MED30: variants seen among roughly 807,000 people sequenced by gnomAD.
MED30 encodes the protein mediator complex subunit 30.
MED30 carries 8 observed loss-of-function variants against 21.7 expected under a neutral mutation model. The ratio of observed to expected loss-of-function variants is 0.37; its 90% CI spans 0.22 to 0.67. MED30 has a LOEUF of 0.67. Ranked by LOEUF, MED30 falls within the 30% of genes least tolerant of loss-of-function variation. The pLI is 0.58. For missense variants in MED30, 203 were observed against 228.2 expected (o/e 0.89, Z 0.71); for synonymous variants, 79 against 86.7 (o/e 0.91, Z 0.49).
chr8:117,520,944 A>T lies in MED30; in HGVS notation c.68A>T (p.Gln23Leu). The change falls in exon 1 of 4, where the codon CAG (glutamine) becomes CTG (leucine). Residue 23 changes from glutamine (Q) to leucine (L), a missense_variant. Coordinates refer to ENST00000297347, the MANE Select transcript of MED30 (RefSeq NM_080651.4). The part of the protein sequence containing the change: ...PGPFAGPQAQ[Q>L]AAREVNTASL... ...CCCTTCGCCGGGCCCCAGGCTCAGC[A>T]GGCCGCCCGGGAAGTCAACACGGCG... 2 of 1,612,274 alleles carry T rather than the reference A, an allele frequency of 1.2e-6. No individual in the cohort carries two copies. Among genetic ancestry groups the T allele is most frequent in the East Asian group, 4.5e-5 (2 of 44,824 alleles).
At position 117,530,719 on chromosome 8, in the gene MED30, C is replaced by T. The variant is rs906651606; in HGVS notation, c.337-4C>T. 1.9e-6 allele frequency: 3 copies of T among 1,603,380 alleles called. No homozygotes were observed. Among genetic ancestry groups the T allele is most frequent in the African/African-American group, 1.3e-5 (1 of 74,456 alleles). On this transcript the variant is annotated splice_region_variant and splice_polypyrimidine_tract_variant and intron_variant, in intron 2 of 3. Coordinates refer to ENST00000297347, the MANE Select transcript of MED30 (RefSeq NM_080651.4). ...GCCTTTTAATTTTTGTTAATCATTC[C>T]CAGCAACTTATTCCATATGTGGAAG...
intron 1 of MED30, among the ~76,000 whole-genome samples, chr8:117,527,494 A>G (rs1400223211): frequency 6.6e-6 from 1 of 151,940 alleles, no homozygotes; most frequent in Non-Finnish European, 1.5e-5. Flanking sequence ...AAAATAAATT[A>G]TTCAAGCCTA....
At chr8:117,538,380 GATTTTCT>G (rs1035014406) in intron 3 of MED30, among the ~76,000 whole-genome samples, 1 of 152,104 alleles carries the variant, frequency 6.6e-6, no homozygotes, top group African/African-American at 2.4e-5. Context: ...TCTGTAAATT[GATTTTCT>G]ATTTTCTAAT....
intron 2 of MED30, among the ~76,000 whole-genome samples, chr8:117,529,226 C>T (rs1217929789): frequency 1.3e-5 from 2 of 151,548 alleles, no homozygotes; most frequent in African/African-American, 2.4e-5. Context: ...ATATTTAGCC[C>T]AGTGGAATCA....
rs568189422 is a variant in MED30, at chr8:117,528,602, A to AT, written c.178-40dup. 7.7e-4 allele frequency: 1,130 copies of AT among 1,461,546 alleles called. 1 individual carries two copies. In the East Asian group the frequency reaches 9.2e-3, roughly 12 times the overall value. The allele number at this position is 1,461,546 out of a possible 1,614,324, so 90.5% of individuals were successfully genotyped here. A position where few individuals can be genotyped will look rare whatever the true frequency, so the allele number is the denominator to read the frequency against. ...TTGGCTTTACTTATAGAAAATCTTGATTTTTTTTTCATTACTTGATATTTT... is the reference window on the plus strand; with the variant it reads ...TTGGCTTTACTTATAGAAAATCTTGATTTTTTTTTTCATTACTTGATATTTT... On this transcript the variant is annotated intron_variant, in intron 1 of 3. Transcript: ENST00000297347.
At chr8:117,530,289 T>C (rs1445810452) in intron 2 of MED30, 1 of 152,160 alleles carries the variant, frequency 6.6e-6, no homozygotes, top group Non-Finnish European at 1.5e-5. Context: ...TTATTGCAGA[T>C]GAAGGAAAGC....
At chr8:117,539,824 T>C in intron 3 of MED30, 59 bp from the exon 4 acceptor site, 1 of 997,106 alleles carries the variant, frequency 1.0e-6, no homozygotes. Flanking sequence ...ATTTTAATCT[T>C]CTAACTTCAT....
At chr8:117,523,730 T>A in intron 1 of MED30, 1 of 1,424,134 alleles carries the variant, frequency 7.0e-7, no homozygotes, top group Non-Finnish European at 9.7e-7. Flanking sequence ...GTTCATAGGC[T>A]AGGCGCGGTG....
intron 3 of MED30, among the ~76,000 whole-genome samples, chr8:117,531,775 C>G (rs1423293305): frequency 6.6e-6 from 1 of 151,540 alleles, no homozygotes; most frequent in African/African-American, 2.4e-5. Flanking sequence ...TTATTAAAAA[C>G]AAGCATGAAA....
chr8:117,528,769 G>A lies in MED30; in HGVS notation c.296G>A (p.Cys99Tyr). 6.2e-7 allele frequency: 1 copy of A among 1,607,378 alleles called. No individual in the cohort carries two copies. The highest frequency in any genetic ancestry group is 2.2e-5 in the East Asian group (1 of 44,598). ...FRKLRLVYDK[C>Y]NENCGGMDPI... ...AAGCTGAGATTGGTATATGACAAATGCAATGAAAACTGTGGTGGGATGGAT... is the reference window on the plus strand; with the variant it reads ...AAGCTGAGATTGGTATATGACAAATACAATGAAAACTGTGGTGGGATGGAT... Residue 99 changes from cysteine (C) to tyrosine (Y), a missense_variant, in exon 2 of 4, where the codon TGC (cysteine) becomes TAC (tyrosine). Cys to Tyr is a radical substitution (Grantham distance 194). Coordinates refer to ENST00000297347, the MANE Select transcript of MED30 (RefSeq NM_080651.4).
chr8:117,525,493 A>T (rs1818705874), intron 1 of MED30, among the ~76,000 whole-genome samples: 1 of 151,594 alleles, frequency 6.6e-6, no homozygotes, highest in African/African-American at 2.4e-5. Flanking sequence ...TTTGCCATGC[A>T]TTTTTTTTAA....
chr8:117,523,734 C>G, intron 1 of MED30: 1 of 1,389,810 alleles, frequency 7.2e-7, no homozygotes. Context: ...ATAGGCTAGG[C>G]GCGGTGGCTC....
intron 1 of MED30, among the ~76,000 whole-genome samples, chr8:117,527,972 A>G (rs1378818078): frequency 6.6e-6 from 1 of 151,906 alleles, no homozygotes; most frequent in African/African-American, 2.4e-5. Context: ...TTATTTCAAT[A>G]TATACTTTTC....
At chr8:117,524,601 T>C (rs1332586654) in intron 1 of MED30, among the ~76,000 whole-genome samples, 2 of 152,208 alleles carry the variant, frequency 1.3e-5, no homozygotes, top group East Asian at 1.9e-4. Context: ...TATTATTCTT[T>C]GAATCTTTAA....
intron 1 of MED30, 77 bp downstream of exon 1, chr8:117,521,130 C>A: frequency 7.1e-7 from 1 of 1,402,790 alleles, no homozygotes; most frequent in South Asian, 1.4e-5. Context: ...TTACGTGGGG[C>A]CCGTGGATGT....
intron 3 of MED30, among the ~76,000 whole-genome samples, chr8:117,531,998 C>A (rs901745166): frequency 1.3e-5 from 2 of 151,790 alleles, no homozygotes; most frequent in East Asian, 1.9e-4. Flanking sequence ...ATGCTGTAAA[C>A]CTATTAGATT....
chr8:117,539,998 G>A lies in MED30; in HGVS notation c.*20G>A. 7.1e-7 allele frequency: 1 copy of A among 1,416,444 alleles called. No homozygotes were observed. The highest frequency in any genetic ancestry group is 1.4e-5 in the African/African-American group (1 of 70,216). 87.7% of individuals were successfully genotyped at this position (1,416,444 alleles called of 1,614,324 possible). ...AACTAAGCTGATATTTAAATTTCCTGCTTTACACATGTTATACCATTGTTT... is the reference window on the plus strand; with the variant it reads ...AACTAAGCTGATATTTAAATTTCCTACTTTACACATGTTATACCATTGTTT... On this transcript the variant is annotated 3_prime_UTR_variant, in exon 4 of 4. Transcript: ENST00000297347.
At chr8:117,527,766 C>T (rs572016555) in intron 1 of MED30, among the ~76,000 whole-genome samples, 13 of 151,266 alleles carry the variant, frequency 8.6e-5, no homozygotes, top group Non-Finnish European at 1.5e-4. Flanking sequence ...TGAAAATGCC[C>T]GAATACTAGA....
chr8:117,536,767 T>G (rs7357462), intron 3 of MED30, among the ~76,000 whole-genome samples: 3,477 of 152,304 alleles, frequency 0.023, 138 homozygotes, highest in African/African-American at 0.074. Flanking sequence ...AAATACCCAT[T>G]TAAAGGATGG....
Sources: allele counts gnomAD v4.1 joint callset (sites outside exome capture counted in the v4.1 genomes callset), GRCh38; gene constraint gnomAD v4.1.1; transcripts MANE v1.5; gene names NCBI Gene and HGNC (gene_info 2026-07-23, HGNC 2026-07-21).